Variants in DENND5A observed in about 807,000 individuals in gnomAD.
DENND5A encodes DENN domain-containing protein 5A.
DENND5A carries 64 observed loss-of-function variants against 140.3 expected under a neutral mutation model. That is an observed-to-expected ratio of 0.46 (90% confidence interval 0.37 to 0.56). The LOEUF is 0.56. DENND5A is among the 20% of genes least tolerant of loss of function. The pLI is 0.00. For missense variants in DENND5A, 1,292 were observed against 1,593.8 expected, an observed-to-expected ratio of 0.81 and a Z score of 3.22; for synonymous variants, 605 against 607.7, an observed-to-expected ratio of 1.00 and a Z score of 0.07.
Position 9,160,694 on chromosome 11 carries a change from G to C in DENND5A, c.2436+19C>G, listed in dbSNP as rs369663494. On this transcript the variant is annotated intron_variant, in intron 12 of 22. Coordinates refer to ENST00000328194, the MANE Select transcript of DENND5A (RefSeq NM_015213.4). ...AGGAAGACAATTTGCTCAGCAATGAGAGGCAAGACATACATTACCTGTTTC... is the reference window on the plus strand; with the variant it reads ...AGGAAGACAATTTGCTCAGCAATGACAGGCAAGACATACATTACCTGTTTC... The C allele has an allele frequency of 3.5e-5, 56 of 1,596,972 alleles. 1 individual carries two copies. Among genetic ancestry groups the C allele is most frequent in the South Asian group, 2.4e-4 (22 of 90,030 alleles).
At chr11:9,248,427 G>T (rs1342120365) in intron 1 of DENND5A, among the ~76,000 whole-genome samples, 1 of 151,974 alleles carries the variant, frequency 6.6e-6, no homozygotes, top group African/African-American at 2.4e-5. Flanking sequence ...GAGGTAGGAG[G>T]ATCCCTTGAG....
At chr11:9,260,027 C>CAAAA (rs56390201) in intron 1 of DENND5A, among the ~76,000 whole-genome samples, 1 of 63,926 alleles carries the variant, frequency 1.6e-5, no homozygotes, top group African/African-American at 5.7e-5. Context: ...GACTCCATCT[C>CAAAA]AAAAAAAAAA....
At position 9,178,232 on chromosome 11, in the gene DENND5A, C is replaced by G; in HGVS notation, c.1806G>C (p.Arg602=). The G allele has an allele frequency of 6.2e-7, 1 of 1,614,010 alleles. No individual in the cohort carries two copies. Among genetic ancestry groups the G allele is most frequent in the Non-Finnish European group, 8.5e-7 (1 of 1,179,966 alleles). The part of the protein sequence containing the change: ...HDDDDKDPVL[R]VFDSRVDKIR... ...TCTTGTCAACTCGGGAATCAAATACCCGGAGTACAGGGTCTTTATCATCAT... is the reference window on the plus strand; with the variant it reads ...TCTTGTCAACTCGGGAATCAAATACGCGGAGTACAGGGTCTTTATCATCAT... The change falls in exon 8 of 23, where the codon CGG becomes CGC. Residue 602 remains arginine (R), a synonymous_variant. Transcript: ENST00000328194.
chr11:9,164,942 T>C (rs1019550230), intron 11 of DENND5A, among the ~76,000 whole-genome samples: 2 of 152,196 alleles, frequency 1.3e-5, no homozygotes, highest in South Asian at 2.1e-4. Flanking sequence ...CTGGGCAATA[T>C]AGTGAGATCC....
At chr11:9,249,257 C>G (rs1851612371) in intron 1 of DENND5A, among the ~76,000 whole-genome samples, 1 of 152,024 alleles carries the variant, frequency 6.6e-6, no homozygotes. Context: ...ACCAAGTCCT[C>G]TGACACTCCT....
chr11:9,197,500 A>C (rs1325625922), intron 4 of DENND5A, among the ~76,000 whole-genome samples: 1 of 151,478 alleles, frequency 6.6e-6, no homozygotes, highest in Non-Finnish European at 1.5e-5. Context: ...GTTTGAGACC[A>C]GGCTGGCCAA....
At chr11:9,211,443 A>G (rs1190738046) in intron 1 of DENND5A, among the ~76,000 whole-genome samples, 1 of 152,130 alleles carries the variant, frequency 6.6e-6, no homozygotes, top group Non-Finnish European at 1.5e-5. Flanking sequence ...TAATAAAATA[A>G]AAAAAGAATG....
chr11:9,164,191 CTAATTTTTTTTTTTTT>C, intron 11 of DENND5A, among the ~76,000 whole-genome samples: 1 of 117,140 alleles, frequency 8.5e-6, no homozygotes, highest in Non-Finnish European at 1.7e-5. Flanking sequence ...ACCACCACGC[CTAATTTTTTTTTTTTT>C]TTTTTTTTTT....
At chr11:9,164,524 G>T (rs764617961) in intron 11 of DENND5A, among the ~76,000 whole-genome samples, 44 of 152,048 alleles carry the variant, frequency 2.9e-4, no homozygotes, top group Non-Finnish European at 6.0e-4. Flanking sequence ...TAGTTGAAAT[G>T]CCCTAAAATT....
chr11:9,199,067 A>C (rs1849436820), intron 4 of DENND5A, among the ~76,000 whole-genome samples: 1 of 149,454 alleles, frequency 6.7e-6, no homozygotes. Flanking sequence ...AAAAATAATA[A>C]TAAATAATAA....
intron 1 of DENND5A, among the ~76,000 whole-genome samples, chr11:9,239,487 C>G (rs1212431799): frequency 6.6e-6 from 1 of 151,966 alleles, no homozygotes; most frequent in African/African-American, 2.4e-5. Flanking sequence ...CAGGCATGCA[C>G]CACTACACTC....
chr11:9,206,363 A>C (rs1484941164), intron 3 of DENND5A, among the ~76,000 whole-genome samples: 1 of 152,248 alleles, frequency 6.6e-6, no homozygotes, highest in Non-Finnish European at 1.5e-5. Flanking sequence ...GTGAAGTTTA[A>C]AATTGACTCA....
chr11:9,139,444 C>A lies in DENND5A; in HGVS notation c.*227G>T. 1.9e-6 allele frequency: 1 copy of A among 521,422 alleles called. No homozygotes were observed. Among genetic ancestry groups the A allele is most frequent in the South Asian group, 2.4e-5 (1 of 40,968 alleles). 32.3% of individuals were successfully genotyped at this position (521,422 alleles called of 1,614,324 possible). A position where few individuals can be genotyped will look rare whatever the true frequency, so the allele number is the denominator to read the frequency against. ...CAGCTTCAAAATAAGCGGCACCAGC[C>A]TCGCTCCCTCTCCCTATCACTCTTT... On this transcript the variant is annotated 3_prime_UTR_variant, in exon 23 of 23. Transcript: ENST00000328194.
intron 1 of DENND5A, among the ~76,000 whole-genome samples, chr11:9,220,045 A>G (rs1850247154): frequency 6.6e-6 from 1 of 152,176 alleles, no homozygotes; most frequent in Non-Finnish European, 1.5e-5. Context: ...CATTCTGAAG[A>G]GAGATTGGTT....
chr11:9,215,658 C>T (rs1850062027), intron 1 of DENND5A, among the ~76,000 whole-genome samples: 1 of 151,732 alleles, frequency 6.6e-6, no homozygotes, highest in Admixed American at 6.6e-5. Context: ...GGCAATTCTC[C>T]TGTCTCAGCC....
chr11:9,201,640 A>T (rs577473568), intron 4 of DENND5A, among the ~76,000 whole-genome samples: 1 of 152,290 alleles, frequency 6.6e-6, no homozygotes, highest in African/African-American at 2.4e-5. Context: ...ACTTAACTCC[A>T]ACCTGGGCAG....
chr11:9,193,303 A>AT (rs1409458342), intron 5 of DENND5A, among the ~76,000 whole-genome samples, 191 bp downstream of exon 5: 8 of 152,252 alleles, frequency 5.3e-5, no homozygotes, highest in Non-Finnish European at 7.3e-5. Flanking sequence ...GATAAAGATA[A>AT]TAAGTGTCTC....
chr11:9,181,125 A>G, intron 5 of DENND5A, 41 bp from the exon 6 acceptor site: 1 of 1,558,664 alleles, frequency 6.4e-7, no homozygotes, highest in Non-Finnish European at 8.7e-7. Context: ...ATAACTCCAG[A>G]GCATTACAGG....
intron 1 of DENND5A, among the ~76,000 whole-genome samples, chr11:9,207,874 CCTA>C (rs1424051262): frequency 7.2e-5 from 11 of 152,252 alleles, no homozygotes; most frequent in African/African-American, 2.6e-4. Flanking sequence ...TGACTGCAGA[CCTA>C]CTAATTATCA....
Sources: gnomAD v4.1 joint callset for allele counts (sites outside exome capture counted in the v4.1 genomes callset) on GRCh38, gnomAD v4.1.1 for gene constraint, MANE v1.5 for transcripts, NCBI Gene and HGNC (gene_info 2026-07-23, HGNC 2026-07-21) for gene names.